Variants in CCDC7 observed in about 807,000 individuals in gnomAD.
CCDC7 encodes coiled-coil domain-containing protein 7.
CCDC7 carries 183 observed loss-of-function variants against 196.9 expected under a neutral mutation model. That is an observed-to-expected ratio of 0.93 (90% confidence interval 0.82 to 1.05). CCDC7 has a LOEUF of 1.05. Among genes scored for constraint, CCDC7 ranks in the 50% least tolerant of loss-of-function variants. The probability of loss-of-function intolerance (pLI) is 0.00; values close to 1 mark genes in which losing one functional copy is unlikely to be tolerated. For synonymous variants in CCDC7, 525 were observed against 484.6 expected, an observed-to-expected ratio of 1.08 and a Z score of -1.10; for missense variants, 1,540 against 1,482.2, an observed-to-expected ratio of 1.04 and a Z score of -0.64.
intron 29 of CCDC7, among the ~76,000 whole-genome samples, chr10:32,786,468 C>T (rs904944339): frequency 4.4e-4 from 67 of 152,218 alleles, no homozygotes; most frequent in African/African-American, 1.5e-3. Flanking sequence ...ACTTTAAAAC[C>T]ACTATATAAG....
At chr10:32,639,147 C>T (rs547474846) in intron 20 of CCDC7, among the ~76,000 whole-genome samples, 21 of 152,158 alleles carry the variant, frequency 1.4e-4, no homozygotes, top group African/African-American at 2.4e-4. Context: ...CTTGCTCTAG[C>T]GGTCTATCAA....
At chr10:32,505,548 A>G (rs1000418032) in intron 9 of CCDC7, among the ~76,000 whole-genome samples, 1 of 152,206 alleles carries the variant, frequency 6.6e-6, no homozygotes, top group Non-Finnish European at 1.5e-5. Context: ...TTCTTAGTAC[A>G]GAACAAAAAT....
chr10:32,640,137 G>A (rs1000121003), intron 20 of CCDC7, among the ~76,000 whole-genome samples: 1 of 152,098 alleles, frequency 6.6e-6, no homozygotes, highest in African/African-American at 2.4e-5. Context: ...TGTTGACAGT[G>A]GGGTGTTAAA....
intron 18 of CCDC7, among the ~76,000 whole-genome samples, chr10:32,597,274 C>T (rs1590338456): frequency 6.6e-6 from 1 of 152,146 alleles, no homozygotes; most frequent in Non-Finnish European, 1.5e-5. Flanking sequence ...TTCGTTTGAT[C>T]TTCAATCACT....
intron 21 of CCDC7, among the ~76,000 whole-genome samples, chr10:32,673,160 T>C (rs1036639731): frequency 6.6e-5 from 10 of 152,196 alleles, no homozygotes; most frequent in African/African-American, 9.6e-5. Context: ...ATGTCTTTTA[T>C]GGCAGTACAT....
At chr10:32,792,312 G>A (rs764283024) in intron 29 of CCDC7, among the ~76,000 whole-genome samples, 33 of 152,272 alleles carry the variant, frequency 2.2e-4, no homozygotes, top group Admixed American at 2.2e-3. Context: ...TGTAATGGTG[G>A]TATGTAGATC....
intron 41 of CCDC7, among the ~76,000 whole-genome samples, chr10:32,869,209 T>G (rs893615214): frequency 2.6e-4 from 40 of 152,322 alleles, no homozygotes; most frequent in African/African-American, 8.9e-4. Context: ...TTCTTATTTC[T>G]CCACATCCTC....
At chr10:32,794,974 C>A (rs2083320977) in intron 29 of CCDC7, among the ~76,000 whole-genome samples, 2 of 152,132 alleles carry the variant, frequency 1.3e-5, no homozygotes, top group Admixed American at 1.3e-4. Context: ...CATCCTAGTG[C>A]TTGGCAACCC....
chr10:32,810,495 A>G (rs1382430678), intron 30 of CCDC7, among the ~76,000 whole-genome samples: 2 of 152,148 alleles, frequency 1.3e-5, no homozygotes, highest in African/African-American at 2.4e-5. Flanking sequence ...TATTCACCCA[A>G]CATTGAAGCA....
chr10:32,842,947 A>AG (rs200230229), intron 33 of CCDC7, among the ~76,000 whole-genome samples: 425 of 151,840 alleles, frequency 2.8e-3, no homozygotes, highest in Non-Finnish European at 5.1e-3. Context: ...GGGAAAGAGT[A>AG]GGGGGGGCAA....
intron 33 of CCDC7, 46 bp downstream of exon 34, chr10:32,834,944 C>A: frequency 1.3e-6 from 1 of 778,860 alleles, no homozygotes; most frequent in Non-Finnish European, 2.1e-6. Context: ...GCTTATTTAG[C>A]TCTGAAGTTA....
chr10:32,735,816 T>A (rs1408708940), intron 28 of CCDC7, among the ~76,000 whole-genome samples: 1 of 152,212 alleles, frequency 6.6e-6, no homozygotes, highest in African/African-American at 2.4e-5. Context: ...TATATTTAGA[T>A]CTATGATCCA....
chr10:32,635,039 ATC>A lies in CCDC7; in HGVS notation c.1913-16_1913-15del, dbSNP rs59233112. 0.11 allele frequency: 42,688 copies of A among 398,482 alleles called. 3,011 individuals are homozygous for A. The highest frequency in any genetic ancestry group is 0.31 in the East Asian group (8,592 of 27,922). The allele number at this position is 398,482 out of a possible 1,614,324, so 24.7% of individuals were successfully genotyped here. A position where few individuals can be genotyped will look rare whatever the true frequency, so the allele number is the denominator to read the frequency against. Reference sequence around the variant, plus strand: ...GACATATACAGAAGTTTTATCATAGATCTGTTTTTCTGTTCAGAGACTCTTAC... The same window carrying A: ...GACATATACAGAAGTTTTATCATAGATGTTTTTCTGTTCAGAGACTCTTAC... On this transcript the variant is annotated splice_polypyrimidine_tract_variant and intron_variant, in intron 19 of 41. Transcript: ENST00000639629.
At chr10:32,625,970 T>C (rs1271300345) in intron 18 of CCDC7, among the ~76,000 whole-genome samples, 1 of 152,138 alleles carries the variant, frequency 6.6e-6, no homozygotes, top group Non-Finnish European at 1.5e-5. Flanking sequence ...CATTCATCCA[T>C]TGATAAACAG....
At chr10:32,711,084 A>G (rs1266915485) in intron 24 of CCDC7, among the ~76,000 whole-genome samples, 1 of 152,038 alleles carries the variant, frequency 6.6e-6, no homozygotes, top group African/African-American at 2.4e-5. Context: ...ACATAATTAT[A>G]TACCATAATT....
At chr10:32,659,796 A>G (rs920743425) in intron 20 of CCDC7, among the ~76,000 whole-genome samples, 1 of 152,238 alleles carries the variant, frequency 6.6e-6, no homozygotes, top group African/African-American at 2.4e-5. Flanking sequence ...ACCAATCAGA[A>G]TGGCTATTAC....
chr10:32,834,866 A>G, exon 33 of CCDC7: 2 of 1,457,772 alleles, frequency 1.4e-6, no homozygotes, highest in Non-Finnish European at 1.9e-6. Flanking sequence ...ATAATAAAGC[A>G]TCTAATCAAC....
intron 41 of CCDC7, among the ~76,000 whole-genome samples, chr10:32,862,372 C>T (rs1322368244): frequency 1.4e-5 from 2 of 146,174 alleles, no homozygotes; most frequent in South Asian, 2.1e-4. Flanking sequence ...ACAGTGAGAA[C>T]ACATGGACAC....
intron 32 of CCDC7, among the ~76,000 whole-genome samples, chr10:32,825,415 G>A (rs1182836489): frequency 2.0e-5 from 3 of 152,148 alleles, no homozygotes; most frequent in Non-Finnish European, 4.4e-5. Context: ...ACAGAAAAAC[G>A]TGAAAAGACT....
Sources: allele counts gnomAD v4.1 joint callset (sites outside exome capture counted in the v4.1 genomes callset), GRCh38; gene constraint gnomAD v4.1.1; transcripts MANE v1.5; gene names NCBI Gene and HGNC (gene_info 2026-07-23, HGNC 2026-07-21).